ZPBP2: variants seen among roughly 807,000 people sequenced by gnomAD.
The protein encoded by ZPBP2 is zona pellucida-binding protein 2.
In ZPBP2, 34 loss-of-function variants were observed where a neutral mutation model predicts 37.5. The ratio of observed to expected loss-of-function variants is 0.91; its 90% CI spans 0.69 to 1.21. The LOEUF (loss-of-function observed/expected upper bound fraction) is 1.21. Ranked by LOEUF, ZPBP2 falls within the 50% of genes most tolerant of loss-of-function variation. The probability of loss-of-function intolerance (pLI) is 0.00; values close to 1 mark genes in which losing one functional copy is unlikely to be tolerated. For missense variants in ZPBP2, 397 were observed against 413.5 expected, an observed-to-expected ratio of 0.96 and a Z score of 0.35; for synonymous variants, 143 against 138.4, an observed-to-expected ratio of 1.03 and a Z score of -0.23.
At chr17:39,869,702 C>T (rs917031854) in intron 2 of ZPBP2, among the ~76,000 whole-genome samples, 4 of 128,490 alleles carry the variant, frequency 3.1e-5, no homozygotes, top group African/African-American at 1.1e-4. Flanking sequence ...ACAGCACCAG[C>T]CAATCTTTTT....
chr17:39,877,549 A>G lies in ZPBP2; in HGVS notation c.*740A>G, dbSNP rs1041580084. On this transcript the variant is annotated 3_prime_UTR_variant, in exon 8 of 8. Coordinates refer to ENST00000348931, the MANE Select transcript of ZPBP2 (RefSeq NM_199321.3). ...CATGTGTGCACCATTGCAGTCTCAT[A>G]CAGAATAGTTTCACCACCCTCAAAA... 6.6e-6 allele frequency: 1 copy of G among 152,038 alleles called. No individual in the cohort carries two copies. Among genetic ancestry groups the G allele is most frequent in the African/African-American group, 2.4e-5 (1 of 41,304 alleles). The allele number at this position is 152,038 out of a possible 1,614,324, so 9.4% of individuals were successfully genotyped here.
In ZPBP2 at chr17:39,876,875, A is replaced by G; in HGVS notation, c.*66A>G. The stretch of plus-strand genomic sequence containing the variant: ...TAAGATGATTTTCACATCCCAGAGC[A>G]TCATAGATAGTTCCATTAAGTAAAA... On this transcript the variant is annotated 3_prime_UTR_variant, in exon 8 of 8. Transcript: ENST00000348931. The G allele has an allele frequency of 6.3e-7, 1 of 1,590,176 alleles. No homozygotes were observed. The highest frequency in any genetic ancestry group is 8.6e-7 in the Non-Finnish European group (1 of 1,163,576).
At position 39,876,770 on chromosome 17, in the gene ZPBP2, C is replaced by A; in HGVS notation, c.978C>A (p.Cys326Ter). ...VSVLTYGAKSCPQTSNKNQQY... is the reference protein window; with the variant it reads ...VSVLTYGAKS ...TCCTTACCTATGGAGCTAAATCTTG[C>A]CCACAAACTTCAAACAAAAATCAGC... is the stretch of plus-strand genomic sequence containing the variant. The change falls in exon 8 of 8, where the codon TGC becomes TGA. Residue 326 changes from cysteine (C) to a stop codon, truncating the protein, a stop_gained. Transcript: ENST00000348931. LOFTEE classifies it high-confidence loss of function. 6.2e-7 allele frequency: 1 copy of A among 1,613,820 alleles called. No homozygotes were observed. The highest frequency in any genetic ancestry group is 8.5e-7 in the Non-Finnish European group (1 of 1,179,860).
rs764169384 is a variant in ZPBP2, at chr17:39,871,464, G to T, written c.245G>T (p.Gly82Val). 1 of 1,567,030 alleles carries T rather than the reference G, an allele frequency of 6.4e-7. No homozygotes were observed. The highest frequency in any genetic ancestry group is 1.9e-5 in the Admixed American group (1 of 52,078). The change falls in exon 4 of 8, where the codon GGA becomes GTA. Residue 82 changes from glycine (G) to valine (V), a missense_variant and splice_region_variant. Transcript: ENST00000348931. ...ATAAGTAATTTACTATTCTGTTTAG[G>T]AAATAATAGAATAAATATAACTGAA... ...WIGPNEKTLT[G>V]NNRINITETG... is the part of the protein sequence containing the mutation.
rs918937714 is a variant in ZPBP2, at chr17:39,869,435, C to A, written c.118+821C>A. Among the ~76,000 whole-genome samples the A allele has an allele frequency of 3.8e-5, 5 of 130,532 alleles. No individual in the cohort carries two copies. In the Admixed American group the frequency reaches 4.1e-4, roughly 11 times the overall value. 85.6% of individuals were successfully genotyped at this position (130,532 alleles called of 152,430 possible). ...TTTTTTTTTTTTTTTTTGACAGTCTCACTCTGTCACCCAGGCTGGAGTGCA... is the reference window on the plus strand; with the variant it reads ...TTTTTTTTTTTTTTTTTGACAGTCTAACTCTGTCACCCAGGCTGGAGTGCA... On this transcript the variant is annotated intron_variant, in intron 2 of 7. Transcript: ENST00000348931.
intron 2 of ZPBP2, among the ~76,000 whole-genome samples, chr17:39,869,570 A>C (rs2063352503): frequency 7.0e-6 from 1 of 143,140 alleles, no homozygotes; most frequent in African/African-American, 3.0e-5. Context: ...ACGCCTGGCT[A>C]ATTTCTGTAT....
rs1258809978 is a variant in ZPBP2 at position 39,873,146 on chromosome 17, G to T, written c.708+20G>T. The stretch of plus-strand genomic sequence containing the variant: ...CTCCAGGTGAGAATTTCATGGTAAG[G>T]AAGAAGTATTTGTCTTTTTCTTTTT... On this transcript the variant is annotated intron_variant, in intron 6 of 7. Coordinates refer to ENST00000348931, the MANE Select transcript of ZPBP2 (RefSeq NM_199321.3). 40 of 1,600,310 alleles carry T rather than the reference G, an allele frequency of 2.5e-5. No homozygotes were observed. The highest frequency in any genetic ancestry group is 3.3e-5 in the Non-Finnish European group (39 of 1,174,680).
intron 6 of ZPBP2, among the ~76,000 whole-genome samples, chr17:39,873,981 C>CT (rs1037217858): frequency 0.035 from 4,133 of 117,300 alleles, 334 homozygotes; most frequent in African/African-American, 0.1. Context: ...AAAGAAAAGT[C>CT]TTTTTTTTTT....
chr17:39,869,682 G>C (rs2063353158), intron 2 of ZPBP2, among the ~76,000 whole-genome samples: 1 of 147,660 alleles, frequency 6.8e-6, no homozygotes, highest in Admixed American at 6.8e-5. Context: ...TGGGATTACA[G>C]GCATGAGCCA....
Position 39,875,398 on chromosome 17 carries a change from A to G in ZPBP2, c.853A>G (p.Asn285Asp). ...LDSCRPGFGK[N>D]ERLHSNCASC... ...TAGCTGTCGACCAGGCTTTGGAAAA[A>G]ATGAACGTCTACACAGTAATTGCGC... Residue 285 changes from asparagine (N) to aspartate (D), a missense_variant, in exon 7 of 8, where the codon AAT becomes GAT. Physicochemically the swap from Asn to Asp is conservative, Grantham distance 23. Coordinates refer to ENST00000348931, the MANE Select transcript of ZPBP2 (RefSeq NM_199321.3). 6.2e-7 allele frequency: 1 copy of G among 1,613,584 alleles called. No homozygotes were observed. Among genetic ancestry groups the G allele is most frequent in the South Asian group, 1.1e-5 (1 of 90,906 alleles).
Position 39,872,338 on chromosome 17 carries a change from T to C in ZPBP2, c.475T>C (p.Tyr159His). Residue 159 changes from tyrosine (Y) to histidine (H), a missense_variant, in exon 5 of 8, where the codon TAC (tyrosine) becomes CAC (histidine). Tyr to His is a moderately conservative substitution (Grantham distance 83). Transcript: ENST00000348931. Reference sequence around the variant, plus strand: ...TACCACAAGGTCTTGTATAGGGAGATACAATGATGTATTCTTTAGAGTGCT... The same window carrying C: ...TACCACAAGGTCTTGTATAGGGAGACACAATGATGTATTCTTTAGAGTGCT... ...RFTTRSCIGR[Y>H]NDVFFRVLKK... The C allele has an allele frequency of 6.2e-7, 1 of 1,613,548 alleles. No homozygotes were observed. The highest frequency in any genetic ancestry group is 8.5e-7 in the Non-Finnish European group (1 of 1,179,754).
chr17:39,872,717 AT>A (rs2063371099), intron 5 of ZPBP2, among the ~76,000 whole-genome samples: 1 of 152,224 alleles, frequency 6.6e-6, no homozygotes, highest in Non-Finnish European at 1.5e-5. Flanking sequence ...TATTTTATTA[AT>A]ACAGCCTTTA....
At position 39,870,391 on chromosome 17, in the gene ZPBP2, T is replaced by G. The variant is rs529743170; in HGVS notation, c.119-303T>G. ...CCACCAACCCTCCAAAAAATTATGA[T>G]TTGAGTGAGTTCTGAATCTGTACAT... is the stretch of plus-strand genomic sequence containing the variant. On this transcript the variant is annotated intron_variant, in intron 2 of 7. Transcript: ENST00000348931. Among the ~76,000 whole-genome samples, 6 of 152,310 alleles carry G rather than the reference T, an allele frequency of 3.9e-5. No individual in the cohort carries two copies. The South Asian group carries it at 1.2e-3, about 32-fold the overall frequency.
In ZPBP2 at chr17:39,872,434, T is replaced by A. The variant is rs753334333; in HGVS notation, c.571T>A (p.Ser191Thr). Reference sequence around the variant, plus strand: ...CATAGAGCCATCATATAAATGCCATTCTGTTGAAATTCCAGAACATGGCCT... The same window carrying A: ...CATAGAGCCATCATATAAATGCCATACTGTTGAAATTCCAGAACATGGCCT... ...HVIEPSYKCHSVEIPEHGLIH... is the reference protein window; with the variant it reads ...HVIEPSYKCHTVEIPEHGLIH... The change falls in exon 5 of 8, where the codon TCT becomes ACT. Residue 191 changes from serine (S) to threonine (T), a missense_variant. Ser to Thr is a moderately conservative substitution (Grantham distance 58). Coordinates refer to ENST00000348931, the MANE Select transcript of ZPBP2 (RefSeq NM_199321.3). The A allele has an allele frequency of 2.7e-5, 44 of 1,613,130 alleles. No individual in the cohort carries two copies. Among genetic ancestry groups the A allele is most frequent in the Non-Finnish European group, 3.6e-5 (43 of 1,179,724 alleles).
chr17:39,876,288 T>G (rs1223137786), intron 7 of ZPBP2, among the ~76,000 whole-genome samples: 3 of 152,134 alleles, frequency 2.0e-5, no homozygotes, highest in Admixed American at 1.3e-4. Context: ...TCTTGTATTA[T>G]AAACATTTCT....
chr17:39,871,763 T>C (rs1054385914), intron 4 of ZPBP2, 138 bp downstream of exon 4: 52 of 671,692 alleles, frequency 7.7e-5, no homozygotes, highest in Non-Finnish European at 9.2e-5. Flanking sequence ...TGGGATGTAT[T>C]TGACTAAGCA....
intron 5 of ZPBP2, 53 bp downstream of exon 5, chr17:39,872,541 A>T (rs908180308): frequency 1.8e-6 from 2 of 1,107,444 alleles, no homozygotes; most frequent in African/African-American, 3.2e-5. Flanking sequence ...ACCATAATAG[A>T]TTACAAAATT....
At position 39,876,869 on chromosome 17, in the gene ZPBP2, C is replaced by T; in HGVS notation, c.*60C>T. 1 of 1,600,282 alleles carries T rather than the reference C, an allele frequency of 6.2e-7. No homozygotes were observed. The highest frequency in any genetic ancestry group is 1.7e-5 in the Admixed American group (1 of 59,762). Reference sequence around the variant, plus strand: ...GGGACATAAGATGATTTTCACATCCCAGAGCATCATAGATAGTTCCATTAA... The same window carrying T: ...GGGACATAAGATGATTTTCACATCCTAGAGCATCATAGATAGTTCCATTAA... On this transcript the variant is annotated 3_prime_UTR_variant, in exon 8 of 8. Coordinates refer to ENST00000348931, the MANE Select transcript of ZPBP2 (RefSeq NM_199321.3).
rs2063369486 is a variant in ZPBP2 at position 39,872,409 on chromosome 17, C to G, written c.546C>G (p.Val182=). Residue 182 remains valine (V), a synonymous_variant, in exon 5 of 8, where the codon GTC becomes GTG. Transcript: ENST00000348931. The stretch of plus-strand genomic sequence containing the variant: ...TAATTTCTGATTTGTCATGCCATGT[C>G]ATAGAGCCATCATATAAATGCCATT... ...DSLISDLSCH[V]IEPSYKCHSV... is the part of the protein sequence containing the mutation. 1 of 1,613,416 alleles carries G rather than the reference C, an allele frequency of 6.2e-7. No individual in the cohort carries two copies. The highest frequency in any genetic ancestry group is 8.5e-7 in the Non-Finnish European group (1 of 1,179,758).
Sources: gnomAD v4.1 joint callset for allele counts (sites outside exome capture counted in the v4.1 genomes callset) on GRCh38, gnomAD v4.1.1 for gene constraint, MANE v1.5 for transcripts, NCBI Gene and HGNC (gene_info 2026-07-23, HGNC 2026-07-21) for gene names.